Variants in SHCBP1L observed in about 807,000 individuals in gnomAD.
SHCBP1L encodes SHC binding and spindle associated 1 like.
A neutral mutation model predicts 62.5 loss-of-function variants in SHCBP1L; 67 were observed. The observed-to-expected ratio is 1.07, with a 90% confidence interval of 0.88 to 1.31. SHCBP1L has a LOEUF of 1.31. Ranked by LOEUF, SHCBP1L falls within the 40% of genes most tolerant of loss-of-function variation. The probability of loss-of-function intolerance (pLI) is 0.00; values close to 1 mark genes in which losing one functional copy is unlikely to be tolerated. For synonymous variants in SHCBP1L, 284 were observed against 289.4 expected (o/e 0.98, Z 0.19); for missense variants, 823 against 809.8 (o/e 1.02, Z -0.20).
intron 6 of SHCBP1L, among the ~76,000 whole-genome samples, chr1:182,907,511 G>A (rs925323186): frequency 3.3e-5 from 5 of 150,106 alleles, no homozygotes; most frequent in African/African-American, 7.3e-5. Context: ...AATGCCTATC[G>A]TTCTTTGATC....
intron 2 of SHCBP1L, among the ~76,000 whole-genome samples, chr1:182,946,449 T>C (rs1240624208): frequency 6.6e-6 from 1 of 151,862 alleles, no homozygotes; most frequent in Non-Finnish European, 1.5e-5. Context: ...ATATTTCAAA[T>C]CTCATTCCTG....
At chr1:182,930,727 ATTTTTTTTTTTTT>A (rs71127328) in intron 5 of SHCBP1L, among the ~76,000 whole-genome samples, 3 of 20,944 alleles carry the variant, frequency 1.4e-4, no homozygotes, top group African/African-American at 4.9e-4. Context: ...ATATATATGT[ATTTTTTTTTTTTT>A]TTTTTTTTTT....
rs1651470591 is a variant in SHCBP1L at position 182,944,120 on chromosome 1, C to CT, written c.556-3578_556-3577insA. On this transcript the variant is annotated intron_variant, in intron 2 of 9. Coordinates refer to ENST00000367547, the MANE Select transcript of SHCBP1L (RefSeq NM_030933.4). ...TGGGCAACAGAGCAAGACTACTTCT[C>CT]AAAATAAATAAATAAATAAATAAAT... Among the ~76,000 whole-genome samples, 44 of 32,248 alleles carry CT rather than the reference C, an allele frequency of 1.4e-3. No homozygotes were observed. In the African/African-American group the frequency reaches 0.017, roughly 12 times the overall value. 21.2% of individuals were successfully genotyped at this position (32,248 alleles called of 152,430 possible).
At chr1:182,949,697 G>GA (rs1427022921) in intron 2 of SHCBP1L, among the ~76,000 whole-genome samples, 9 of 145,202 alleles carry the variant, frequency 6.2e-5, no homozygotes, top group South Asian at 2.2e-4. Flanking sequence ...ACCTTATCTT[G>GA]AAAAAAAAAG....
At chr1:182,926,043 G>A (rs532028823) in intron 6 of SHCBP1L, among the ~76,000 whole-genome samples, 1 of 152,276 alleles carries the variant, frequency 6.6e-6, no homozygotes. Context: ...TTGTCAGGAG[G>A]TGGGGGAAAG....
rs545074835 is a variant in SHCBP1L, at chr1:182,930,821, G to A, written c.1077-1069C>T. Reference sequence around the variant, plus strand: ...GCTTACTGCAGCCTTGACCTCCTGGGCTCAAGCAATCCTCCCACCTCAGCC... The same window carrying A: ...GCTTACTGCAGCCTTGACCTCCTGGACTCAAGCAATCCTCCCACCTCAGCC... On this transcript the variant is annotated intron_variant, in intron 5 of 9. Coordinates refer to ENST00000367547, the MANE Select transcript of SHCBP1L (RefSeq NM_030933.4). Among the ~76,000 whole-genome samples, 294 of 140,990 alleles carry A rather than the reference G, an allele frequency of 2.1e-3. 2 individuals are homozygous for A. The highest frequency in any genetic ancestry group is 7.5e-3 in the African/African-American group (282 of 37,698). 92.5% of individuals were successfully genotyped at this position (140,990 alleles called of 152,430 possible). A position where few individuals can be genotyped will look rare whatever the true frequency, so the allele number is the denominator to read the frequency against.
rs146749708 is a variant in SHCBP1L at position 182,925,911 on chromosome 1, T to G, written c.1182+3736A>C. ...TGAAGTACTGATAAATGCTACAATGTGGATGAACCTTATAAACATCATGCT... is the reference window on the plus strand; with the variant it reads ...TGAAGTACTGATAAATGCTACAATGGGGATGAACCTTATAAACATCATGCT... On this transcript the variant is annotated intron_variant, in intron 6 of 9. Coordinates refer to ENST00000367547, the MANE Select transcript of SHCBP1L (RefSeq NM_030933.4). Among the ~76,000 whole-genome samples the G allele has an allele frequency of 1.5e-3, 224 of 152,332 alleles. 1 individual carries two copies. Among genetic ancestry groups the G allele is most frequent in the African/African-American group, 4.9e-3 (205 of 41,578 alleles).
chr1:182,923,160 A>C (rs530645577), intron 6 of SHCBP1L, among the ~76,000 whole-genome samples: 1 of 152,312 alleles, frequency 6.6e-6, no homozygotes, highest in Non-Finnish European at 1.5e-5. Context: ...GCAAACACAC[A>C]ATCTCCCAAG....
chr1:182,904,420 C>G lies in SHCBP1L; in HGVS notation c.1347G>C (p.Lys449Asn), dbSNP rs777983657. 3 of 1,613,876 alleles carry G rather than the reference C, an allele frequency of 1.9e-6. No homozygotes were observed. Among genetic ancestry groups the G allele is most frequent in the Non-Finnish European group, 2.5e-6 (3 of 1,179,954 alleles). ...CAGAAGTAATCATAATTTCCTCTCT[C>G]TTTCCAACTCCTGATTCATAGGGAT... ...TDDIIIKGVG[K>N]REEIMITSEP... is the part of the protein sequence containing the mutation. Residue 449 changes from lysine to asparagine, a missense_variant, in exon 8 of 10, where the codon AAG (lysine) becomes AAC (asparagine). Coordinates refer to ENST00000367547, the MANE Select transcript of SHCBP1L (RefSeq NM_030933.4).
chr1:182,903,057 TA>T lies in SHCBP1L; in HGVS notation c.1691del (p.Leu564Ter). On this transcript the variant is annotated frameshift_variant, in exon 9 of 10. Coordinates refer to ENST00000367547, the MANE Select transcript of SHCBP1L (RefSeq NM_030933.4). LOFTEE classifies it high-confidence loss of function. ...LRTSNSSKSTLGGVNMKVLPA... is the reference protein window; with the variant it reads ...LRTSNSSKSTXGGVNMKVLPA... ...AGAATACCTTCATATTAACTCCACCTAAGGTGCTTTTTGAACTGTTACTGGT... is the reference window on the plus strand; with the variant it reads ...AGAATACCTTCATATTAACTCCACCTAGGTGCTTTTTGAACTGTTACTGGT... 6.3e-7 allele frequency: 1 copy of T among 1,593,406 alleles called. No individual in the cohort carries two copies. The highest frequency in any genetic ancestry group is 1.2e-5 in the South Asian group (1 of 86,770).
intron 7 of SHCBP1L, among the ~76,000 whole-genome samples, chr1:182,905,177 T>G (rs1368063256): frequency 1.3e-5 from 2 of 152,202 alleles, no homozygotes; most frequent in Non-Finnish European, 2.9e-5. Flanking sequence ...ACTTCTGTTT[T>G]GGTGAGTTAG....
chr1:182,923,020 A>G (rs1650571148), intron 6 of SHCBP1L, among the ~76,000 whole-genome samples: 1 of 152,168 alleles, frequency 6.6e-6, no homozygotes, highest in Non-Finnish European at 1.5e-5. Flanking sequence ...ATATCCAAAT[A>G]AACATAACCA....
chr1:182,924,325 G>A (rs1446052919), intron 6 of SHCBP1L, among the ~76,000 whole-genome samples: 1 of 146,772 alleles, frequency 6.8e-6, no homozygotes, highest in Admixed American at 6.8e-5. Context: ...TTGAGACGGA[G>A]TCTCGCTCTG....
At chr1:182,901,397 C>T (rs979900050) in intron 9 of SHCBP1L, among the ~76,000 whole-genome samples, 3 of 152,052 alleles carry the variant, frequency 2.0e-5, no homozygotes, top group East Asian at 1.9e-4. Context: ...GCAGACATTG[C>T]GGTGAGCTGA....
rs185312196 is a variant in SHCBP1L, at chr1:182,949,905, G to A, written c.555+1413C>T. On this transcript the variant is annotated intron_variant, in intron 2 of 9. Coordinates refer to ENST00000367547, the MANE Select transcript of SHCBP1L (RefSeq NM_030933.4). ...CAACCTCTGCCTCCCAGGCTCAAGC[G>A]ATCCTCCCACCTCAGCCTCCTGAGT... 3.7e-4 allele frequency among the ~76,000 whole-genome samples: 54 copies of A among 146,632 alleles called. No homozygotes were observed. In the East Asian group the frequency reaches 0.011, roughly 30 times the overall value.
At chr1:182,936,855 C>T (rs978199662) in intron 5 of SHCBP1L, among the ~76,000 whole-genome samples, 4 of 151,652 alleles carry the variant, frequency 2.6e-5, no homozygotes, top group African/African-American at 9.7e-5. Context: ...TTGAGATCAG[C>T]AAGGGCAATA....
In SHCBP1L at chr1:182,924,978, A is replaced by AAAGAAAGAAAG. The variant is rs1341515340; in HGVS notation, c.1182+4668_1182+4669insCTTTCTTTCTT. ...AGAAAGAAAGAAAGAAAGAAAGAAA[A>AAAGAAAGAAAG]AAAAAGGAAGAAGGAAAGGAAGGAA... On this transcript the variant is annotated intron_variant, in intron 6 of 9. Coordinates refer to ENST00000367547, the MANE Select transcript of SHCBP1L (RefSeq NM_030933.4). Among the ~76,000 whole-genome samples, 176 of 72,612 alleles carry AAAGAAAGAAAG rather than the reference A, an allele frequency of 2.4e-3. 1 individual carries two copies. The highest frequency in any genetic ancestry group is 0.01 in the African/African-American group (144 of 14,070). 47.6% of individuals were successfully genotyped at this position (72,612 alleles called of 152,430 possible). A position where few individuals can be genotyped will look rare whatever the true frequency, so the allele number is the denominator to read the frequency against.
In SHCBP1L at chr1:182,904,205, G is replaced by A. The variant is rs200202390; in HGVS notation, c.1562C>T (p.Thr521Ile). The A allele has an allele frequency of 6.4e-5, 104 of 1,613,988 alleles. No individual in the cohort carries two copies. The highest frequency in any genetic ancestry group is 8.1e-5 in the Non-Finnish European group (95 of 1,180,042). Residue 521 changes from threonine (T) to isoleucine (I), a missense_variant, in exon 8 of 10, where the codon ACA becomes ATA. Physicochemically the swap from Thr to Ile is moderately conservative, Grantham distance 89. Transcript: ENST00000367547. ...CVLTGAALTI[T>I]DSEITGAQGA... Reference sequence around the variant, plus strand: ...CTGGGCGCCAGTTATTTCACTGTCTGTAATTGTCAAAGCAGCCCCTGTAAG... The same window carrying A: ...CTGGGCGCCAGTTATTTCACTGTCTATAATTGTCAAAGCAGCCCCTGTAAG...
chr1:182,924,732 G>T lies in SHCBP1L; in HGVS notation c.1182+4915C>A, dbSNP rs1476219689. Among the ~76,000 whole-genome samples the T allele has an allele frequency of 7.1e-5, 5 of 70,026 alleles. No homozygotes were observed. The East Asian group carries it at 1.3e-3, about 18-fold the overall frequency. The allele number at this position is 70,026 out of a possible 152,430, so 45.9% of individuals were successfully genotyped here. ...AGAAAGAAAGAAAGAAAGAAAGAAA[G>T]AAAGAAAGAAAGAAAGAAAGAAAGA... On this transcript the variant is annotated intron_variant, in intron 6 of 9. Coordinates refer to ENST00000367547, the MANE Select transcript of SHCBP1L (RefSeq NM_030933.4).
Sources: allele counts gnomAD v4.1 joint callset (sites outside exome capture counted in the v4.1 genomes callset), GRCh38; gene constraint gnomAD v4.1.1; transcripts MANE v1.5; gene names NCBI Gene and HGNC (gene_info 2026-07-23, HGNC 2026-07-21).